CHD1L: variants seen among roughly 807,000 people sequenced by gnomAD.
The protein encoded by CHD1L is chromodomain helicase DNA binding protein 1 like, also known as ATP-dependent chromatin remodeler CHD1L.
CHD1L carries 118 observed loss-of-function variants against 115.9 expected under a neutral mutation model. The ratio of observed to expected loss-of-function variants is 1.02; its 90% confidence interval spans 0.88 to 1.19. The LOEUF (loss-of-function observed/expected upper bound fraction) is 1.19. Ranked by LOEUF, CHD1L falls within the 50% of genes most tolerant of loss-of-function variation. The pLI is 0.00. For synonymous variants in CHD1L, 411 were observed against 387.1 expected, an observed-to-expected ratio of 1.06 and a Z score of -0.72; for missense variants, 1,179 against 1,065.3, an observed-to-expected ratio of 1.11 and a Z score of -1.49.
At chr1:147,247,031 T>C (rs1316285858) in intron 1 of CHD1L, among the ~76,000 whole-genome samples, 1 of 152,196 alleles carries the variant, frequency 6.6e-6, no homozygotes, top group Non-Finnish European at 1.5e-5. Context: ...TTCATTTTTA[T>C]TTAGTTCAGT....
chr1:147,294,515 C>G lies in CHD1L; in HGVS notation c.2613C>G (p.Tyr871Ter). 6.2e-7 allele frequency: 1 copy of G among 1,608,914 alleles called. No homozygotes were observed. Among genetic ancestry groups the G allele is most frequent in the Non-Finnish European group, 8.5e-7 (1 of 1,176,778 alleles). ...KHLAARGIPTYIYYFPRSKSA... is the reference protein window; with the variant it reads ...KHLAARGIPT ...TGGCTGCAAGAGGCATCCCAACTTACATGTATCCTTTTGTGATCTTCATTG... is the reference window on the plus strand; with the variant it reads ...TGGCTGCAAGAGGCATCCCAACTTAGATGTATCCTTTTGTGATCTTCATTG... The change falls in exon 22 of 23, where the codon TAC becomes TAG. Residue 871 changes from tyrosine to a stop codon, truncating the protein, a stop_gained and splice_region_variant. Coordinates refer to ENST00000369258, the MANE Select transcript of CHD1L (RefSeq NM_004284.6). LOFTEE classifies it low-confidence loss of function (END_TRUNC).
intron 1 of CHD1L, among the ~76,000 whole-genome samples, chr1:147,250,405 T>A (rs1381338725): frequency 6.6e-6 from 1 of 152,120 alleles, no homozygotes; most frequent in Non-Finnish European, 1.5e-5. Flanking sequence ...TGCTGCCTTG[T>A]TAGTGCCAGG....
chr1:147,204,572 T>G, the CHD1L span: 1 of 1,589,516 alleles, frequency 6.3e-7, no homozygotes, highest in African/African-American at 1.3e-5. Flanking sequence ...GACAGGCCAA[T>G]CCTCAGAAGT....
At chr1:147,209,420 A>C in the CHD1L span, among the ~76,000 whole-genome samples, 2 of 127,128 alleles carry the variant, frequency 1.6e-5, no homozygotes, top group Non-Finnish European at 3.2e-5. Flanking sequence ...CCTGGGCAAC[A>C]GAGTGAGACT....
At chr1:147,184,440 G>T in the CHD1L span, 2 of 1,388,388 alleles carry the variant, frequency 1.4e-6, no homozygotes, top group Non-Finnish European at 1.9e-6. This position sits in a 1 kb window ranked among gnomAD's most constrained non-coding sequence, Gnocchi z 4.4. Flanking sequence ...TTTACTTAAA[G>T]TTCTTTTTCT....
the CHD1L span, chr1:147,223,890 G>A: frequency 8.5e-6 from 3 of 354,790 alleles, no homozygotes; most frequent in Non-Finnish European, 1.6e-5. Context: ...AAGAAGCAGA[G>A]ACTGTTGTCC....
chr1:147,224,845 C>G, the CHD1L span: 1 of 1,566,852 alleles, frequency 6.4e-7, no homozygotes, highest in Non-Finnish European at 8.8e-7. Flanking sequence ...TCGTATGCAC[C>G]TAGTTGCAGG....
chr1:147,210,888 A>G, the CHD1L span: 2 of 152,212 alleles, frequency 1.3e-5, no homozygotes, highest in South Asian at 4.1e-4. Context: ...TATGAAATTA[A>G]TATTGAAAAA....
At chr1:147,281,040 T>C (rs1409927371) in intron 15 of CHD1L, among the ~76,000 whole-genome samples, 1 of 152,192 alleles carries the variant, frequency 6.6e-6, no homozygotes, top group African/African-American at 2.4e-5. Flanking sequence ...CTCTTTTGTT[T>C]CTATAGGACC....
chr1:147,236,710 T>C, the CHD1L span, among the ~76,000 whole-genome samples: 3 of 151,900 alleles, frequency 2.0e-5, no homozygotes, highest in Non-Finnish European at 4.4e-5. Context: ...ACTCAGCTCT[T>C]AGCAGAGAGT....
intron 1 of CHD1L, 67 bp from the exon 2 acceptor site, chr1:147,252,556 T>G: frequency 1.6e-6 from 2 of 1,247,062 alleles, no homozygotes; most frequent in South Asian, 2.5e-5. Flanking sequence ...ATTCAAACTC[T>G]TAGAACATTG....
chr1:147,213,410 C>G, the CHD1L span: 1 of 1,613,630 alleles, frequency 6.2e-7, no homozygotes, highest in Non-Finnish European at 8.5e-7. Context: ...GATTCAGTGA[C>G]CACTTCCCAT....
Position 147,249,302 on chromosome 1 carries a change from C to T in CHD1L, c.128-3321C>T, listed in dbSNP as rs587749898. On this transcript the variant is annotated intron_variant, in intron 1 of 22. Coordinates refer to ENST00000369258, the MANE Select transcript of CHD1L (RefSeq NM_004284.6). Reference sequence around the variant, plus strand: ...ATCTGCTTGCATTTGAATAGTTTTTCCTCTTTAAGTAAGGTGTTGTTTGTT... The same window carrying T: ...ATCTGCTTGCATTTGAATAGTTTTTTCTCTTTAAGTAAGGTGTTGTTTGTT... 2.6e-5 allele frequency among the ~76,000 whole-genome samples: 4 copies of T among 151,116 alleles called. No individual in the cohort carries two copies. The South Asian group carries it at 8.4e-4, about 32-fold the overall frequency.
chr1:147,275,995 C>G (rs1678291381), intron 13 of CHD1L, 109 bp from the exon 14 acceptor site: 1 of 1,086,276 alleles, frequency 9.2e-7, no homozygotes, highest in Non-Finnish European at 1.4e-6. Context: ...TCATTGTACC[C>G]TGAATATGGT....
intron 2 of CHD1L, among the ~76,000 whole-genome samples, 182 bp downstream of exon 2, chr1:147,252,917 A>G (rs936555958): frequency 2.6e-5 from 4 of 152,184 alleles, no homozygotes; most frequent in Non-Finnish European, 5.9e-5. Context: ...TGCCTCAGTC[A>G]TTGCAGTTCC....
At chr1:147,179,413 A>G in the CHD1L span, 2 of 1,596,988 alleles carry the variant, frequency 1.3e-6, no homozygotes, top group Non-Finnish European at 1.7e-6. Flanking sequence ...CATAGCCAAG[A>G]TGGATGCCAC....
At chr1:147,295,178 T>C (rs922301965) in intron 22 of CHD1L, among the ~76,000 whole-genome samples, 11 of 152,338 alleles carry the variant, frequency 7.2e-5, no homozygotes, top group African/African-American at 2.4e-4. Context: ...CTTCAAGATA[T>C]TTAAATCACT....
intron 5 of CHD1L, among the ~76,000 whole-genome samples, chr1:147,258,064 G>A (rs1553941561): frequency 1.3e-5 from 2 of 152,086 alleles, no homozygotes; most frequent in East Asian, 3.9e-4. Context: ...TTGCTGTATT[G>A]TACATTCTGA....
At chr1:147,219,831 T>A in the CHD1L span, among the ~76,000 whole-genome samples, 20,420 of 142,656 alleles carry the variant, frequency 0.14, 1,405 homozygotes, top group South Asian at 0.19. Context: ...AACATACAAA[T>A]GTTAATTGCT....
Sources: gnomAD v4.1 joint callset for allele counts (sites outside exome capture counted in the v4.1 genomes callset) on GRCh38, gnomAD v4.1.1 for gene constraint, Gnocchi (gnomAD v3.1) non-coding constraint, MANE v1.5 for transcripts, NCBI Gene and HGNC (gene_info 2026-07-23, HGNC 2026-07-21) for gene names.